The following MYO5B variants were observed in gnomAD, a reference collection of about 807,000 sequenced individuals.
The protein encoded by MYO5B is unconventional myosin-Vb.
Under a neutral mutation model 229.3 loss-of-function variants are expected in MYO5B, and 143 were observed. The observed-to-expected ratio is 0.62, with a 90% CI of 0.54 to 0.72. The LOEUF (loss-of-function observed/expected upper bound fraction) is 0.72, where lower values mean the gene tolerates loss of function less well. MYO5B is among the 30% of genes least tolerant of loss of function. MYO5B has a pLI of 0.00. For synonymous variants in MYO5B, 918 were observed against 885.2 expected, an observed-to-expected ratio of 1.04 and a Z score of -0.66; for missense variants, 2,321 against 2,331.0, an observed-to-expected ratio of 1.00 and a Z score of 0.09.
chr18:49,832,633 G>A (rs1037044868), intron 39 of MYO5B, among the ~76,000 whole-genome samples: 2 of 152,188 alleles, frequency 1.3e-5, no homozygotes, highest in South Asian at 4.1e-4. Context: ...AGTGGCAGGG[G>A]AACCTAGAAT....
intron 1 of MYO5B, among the ~76,000 whole-genome samples, chr18:50,077,502 A>ACACAC (rs2031114450): frequency 1.0e-4 from 14 of 133,608 alleles, no homozygotes; most frequent in South Asian, 2.6e-4. Context: ...CACACACACA[A>ACACAC]ACACACACAC....
intron 1 of MYO5B, chr18:50,063,740 T>C (rs1321681405): frequency 6.6e-6 from 1 of 152,236 alleles, no homozygotes; most frequent in Non-Finnish European, 1.5e-5. Context: ...TCGTATCATC[T>C]CAACCCAGTC....
intron 1 of MYO5B, among the ~76,000 whole-genome samples, chr18:50,070,021 T>C (rs1006454841): frequency 5.6e-5 from 8 of 143,762 alleles, no homozygotes; most frequent in Middle Eastern, 3.3e-3. Flanking sequence ...ATTTAGTCTT[T>C]TTTTTTTTTT....
intron 4 of MYO5B, among the ~76,000 whole-genome samples, chr18:50,002,032 T>A (rs1346961289): frequency 3.6e-5 from 1 of 28,120 alleles, no homozygotes; most frequent in Non-Finnish European, 7.8e-5. Context: ...CAAAACTCCG[T>A]CTCAAAAAAA....
intron 12 of MYO5B, among the ~76,000 whole-genome samples, chr18:49,961,851 G>A (rs2025563095): frequency 6.6e-6 from 1 of 152,170 alleles, no homozygotes; most frequent in South Asian, 2.1e-4. Flanking sequence ...AATTTCACCT[G>A]CCACCATGCC....
chr18:49,869,370 T>C (rs2024432821), intron 27 of MYO5B, among the ~76,000 whole-genome samples: 1 of 152,282 alleles, frequency 6.6e-6, no homozygotes, highest in Non-Finnish European at 1.5e-5. Flanking sequence ...AGTGCTTCCT[T>C]ACATGGGTAA....
intron 4 of MYO5B, among the ~76,000 whole-genome samples, chr18:50,008,891 T>C (rs914853039): frequency 1.3e-5 from 2 of 152,168 alleles, no homozygotes; most frequent in Non-Finnish European, 1.5e-5. Context: ...GTCAACACCA[T>C]CACCAAAACA....
intron 27 of MYO5B, chr18:49,871,765 A>C: frequency 3.3e-6 from 1 of 299,350 alleles, no homozygotes; most frequent in Non-Finnish European, 6.5e-6. Context: ...CCTGTTCGGA[A>C]GCCCCTTTTC....
chr18:50,070,614 G>C (rs1568094729), intron 1 of MYO5B, among the ~76,000 whole-genome samples: 2 of 152,182 alleles, frequency 1.3e-5, no homozygotes, highest in East Asian at 3.9e-4. Context: ...TAATGCCACA[G>C]TTGAGAAATT....
rs146091434 is a variant in MYO5B, at chr18:50,076,197, C to G, written c.28-20819G>C. Among the ~76,000 whole-genome samples the G allele has an allele frequency of 3.3e-5, 5 of 152,322 alleles. No homozygotes were observed. In the East Asian group the frequency reaches 9.6e-4, roughly 29 times the overall value. On this transcript the variant is annotated intron_variant, in intron 1 of 39. Transcript: ENST00000285039. ...GCAACCTACAGCCAGAGGCAGAGCT[C>G]ACTCACTGCTAAACTAAGGGAAAAC...
intron 4 of MYO5B, among the ~76,000 whole-genome samples, chr18:50,011,608 C>T (rs2026161568): frequency 6.6e-6 from 1 of 152,052 alleles, no homozygotes. Context: ...AATCTGGGAA[C>T]TGCCCGTGAC....
At chr18:50,040,912 C>A (rs765690925) in intron 2 of MYO5B, among the ~76,000 whole-genome samples, 2 of 152,128 alleles carry the variant, frequency 1.3e-5, no homozygotes, top group African/African-American at 4.8e-5. Flanking sequence ...ATCTCAGATG[C>A]GAGGTGTTAT....
chr18:49,963,138 T>C (rs1415706939), intron 10 of MYO5B, 108 bp from the exon 11 acceptor site: 3 of 837,098 alleles, frequency 3.6e-6, no homozygotes, highest in Non-Finnish European at 6.3e-6. Flanking sequence ...CACTACAGAA[T>C]CCCCATTGTC....
At chr18:50,134,756 C>G (rs80013663) in intron 1 of MYO5B, among the ~76,000 whole-genome samples, 4 of 151,974 alleles carry the variant, frequency 2.6e-5, no homozygotes, top group Non-Finnish European at 5.9e-5. Context: ...GGATTGCTCA[C>G]GAGGCACTTC....
rs202159934 is a variant in MYO5B, at chr18:49,974,338, C to T, written c.1322+12G>A. The stretch of plus-strand genomic sequence containing the variant: ...CAGGTAGCAGATAGAGCGAGACAGG[C>T]GGCAGGCCTACCCATAGATGTCCAG... On this transcript the variant is annotated intron_variant, in intron 10 of 39. Coordinates refer to ENST00000285039, the MANE Select transcript of MYO5B (RefSeq NM_001080467.3). 92 of 1,614,078 alleles carry T rather than the reference C, an allele frequency of 5.7e-5. No homozygotes were observed. The highest frequency in any genetic ancestry group is 1.1e-4 in the East Asian group (5 of 44,890).
At chr18:50,070,786 C>T (rs117099729) in intron 1 of MYO5B, among the ~76,000 whole-genome samples, 2,771 of 151,752 alleles carry the variant, frequency 0.018, 57 homozygotes, top group Non-Finnish European at 0.024. Context: ...CTGCACCCCC[C>T]GGCCCCTGCA....
rs373829228 is a variant in MYO5B at position 49,841,457 on chromosome 18, G to A, written c.4612-3C>T. 6.2e-7 allele frequency: 1 copy of A among 1,613,724 alleles called. No homozygotes were observed. Among genetic ancestry groups the A allele is most frequent in the Non-Finnish European group, 8.5e-7 (1 of 1,179,768 alleles). On this transcript the variant is annotated splice_polypyrimidine_tract_variant and splice_region_variant and intron_variant, in intron 34 of 39. Coordinates refer to ENST00000285039, the MANE Select transcript of MYO5B (RefSeq NM_001080467.3). ...ATCTCAAAGTCATCATTGTGCTTCT[G>A]TGAAAAGAAAAGGACATCCTCAGCT...
At chr18:50,153,785 T>C (rs2032637218) in intron 1 of MYO5B, among the ~76,000 whole-genome samples, 1 of 152,036 alleles carries the variant, frequency 6.6e-6, no homozygotes, top group Admixed American at 6.6e-5. Flanking sequence ...AACTCTACCC[T>C]TGAGTGGGGA....
chr18:49,831,089 T>G (rs1187017840), intron 39 of MYO5B, among the ~76,000 whole-genome samples: 1 of 152,024 alleles, frequency 6.6e-6, no homozygotes, highest in Non-Finnish European at 1.5e-5. Context: ...CAACTGGATA[T>G]CCACATACAG....
Sources: gnomAD v4.1 joint callset for allele counts (sites outside exome capture counted in the v4.1 genomes callset) on GRCh38, gnomAD v4.1.1 for gene constraint, MANE v1.5 for transcripts, NCBI Gene and HGNC (gene_info 2026-07-23, HGNC 2026-07-21) for gene names.